The following TTLL6 variants were observed in gnomAD, a reference collection of about 807,000 sequenced individuals.
TTLL6 encodes tubulin tyrosine ligase like 6.
TTLL6 carries 75 observed loss-of-function variants against 96.4 expected under a neutral mutation model. The observed-to-expected ratio is 0.78, with a 90% CI of 0.65 to 0.94. The LOEUF is 0.94. TTLL6 is among the 40% of genes least tolerant of loss of function. The probability of loss-of-function intolerance (pLI) is 0.00; values close to 1 mark genes in which losing one functional copy is unlikely to be tolerated. For missense variants in TTLL6, 1,030 were observed against 1,093.0 expected (o/e 0.94, Z 0.81); for synonymous variants, 411 against 419.4 (o/e 0.98, Z 0.24).
At chr17:48,769,706 C>T in intron 14 of TTLL6, 22 bp downstream of exon 14, 1 of 1,610,934 alleles carries the variant, frequency 6.2e-7, no homozygotes, top group Non-Finnish European at 8.5e-7. Context: ...CCTGGCACAT[C>T]CCTGTACACA....
In TTLL6 at chr17:48,817,047, G is replaced by C. The variant is rs879137413; in HGVS notation, c.26C>G (p.Ser9Trp). Residue 9 changes from serine (S) to tryptophan (W), a missense_variant, in exon 1 of 16, where the codon TCG (serine) becomes TGG (tryptophan). Coordinates refer to ENST00000393382, the MANE Select transcript of TTLL6 (RefSeq NM_001130918.3). ...AACCACACCTGCCGGCCCCCTCCTCGAAGGATGAAGGAGTAACGCTCCCAT... is the reference window on the plus strand; with the variant it reads ...AACCACACCTGCCGGCCCCCTCCTCCAAGGATGAAGGAGTAACGCTCCCAT... MGALLLHP[S>W]RRGPAGVVAS... is the part of the protein sequence containing the mutation. The C allele has an allele frequency of 1.9e-6, 3 of 1,544,410 alleles. No individual in the cohort carries two copies. The highest frequency in any genetic ancestry group is 2.6e-6 in the Non-Finnish European group (3 of 1,145,802).
chr17:48,789,995 T>G lies in TTLL6; in HGVS notation c.1336A>C (p.Lys446Gln), dbSNP rs1255626929. ...LINLESCDKKKVLEEERQRGQ... is the reference protein window; with the variant it reads ...LINLESCDKKQVLEEERQRGQ... ...CGTTGTCTCTCCTCCTCCAAGACTT[T>G]CTTCTTGTCACAGCTTTCCAGGTTG... The change falls in exon 10 of 16, where the codon AAA becomes CAA. Residue 446 changes from lysine to glutamine, a missense_variant. Transcript: ENST00000393382. 1.2e-6 allele frequency: 2 copies of G among 1,614,172 alleles called. No individual in the cohort carries two copies. Among genetic ancestry groups the G allele is most frequent in the Admixed American group, 1.7e-5 (1 of 60,024 alleles).
chr17:48,806,116 A>G (rs1200366946), intron 1 of TTLL6: 1 of 152,226 alleles, frequency 6.6e-6, no homozygotes, highest in African/African-American at 2.4e-5. Flanking sequence ...TCTCAAAAAA[A>G]AAAAAAAATT....
At chr17:48,810,846 T>TACAC (rs2039578328) in intron 1 of TTLL6, among the ~76,000 whole-genome samples, 4 of 118,222 alleles carry the variant, frequency 3.4e-5, no homozygotes, top group Non-Finnish European at 5.4e-5. Flanking sequence ...TATATATATA[T>TACAC]ATATATATAG....
intron 15 of TTLL6, among the ~76,000 whole-genome samples, chr17:48,767,371 C>T (rs894061003): frequency 3.9e-5 from 6 of 152,292 alleles, no homozygotes; most frequent in South Asian, 2.1e-4. Context: ...AGGCCCAGCT[C>T]TTCTCTGAGC....
At chr17:48,797,787 C>CAA (rs58265844) in intron 6 of TTLL6, among the ~76,000 whole-genome samples, 18 of 58,616 alleles carry the variant, frequency 3.1e-4, no homozygotes, top group South Asian at 6.8e-4. Flanking sequence ...AACTCCATCT[C>CAA]AAAAAAAAAA....
chr17:48,812,332 G>A (rs2039608746), intron 1 of TTLL6: 1 of 152,190 alleles, frequency 6.6e-6, no homozygotes, highest in African/African-American at 2.4e-5. Context: ...ATACATCATG[G>A]TGTAAGGGCC....
In TTLL6 at chr17:48,799,584, T is replaced by C. The variant is rs1398240894; in HGVS notation, c.768+20A>G. 1.3e-6 allele frequency: 2 copies of C among 1,548,304 alleles called. No individual in the cohort carries two copies. On this transcript the variant is annotated intron_variant, in intron 6 of 15. Transcript: ENST00000393382. ...GCGGTTGCTGTGGGTGATAAATAAA[T>C]AATCACAATGAGGAAGTACCTTTGA...
chr17:48,791,294 G>A (rs543992050), intron 9 of TTLL6, 84 bp downstream of exon 9: 43 of 1,225,040 alleles, frequency 3.5e-5, no homozygotes, highest in Non-Finnish European at 4.9e-5. Context: ...AAACAATTTA[G>A]GTGAGCCAGG....
At chr17:48,784,050 G>A (rs2039039441) in intron 13 of TTLL6, among the ~76,000 whole-genome samples, 1 of 152,096 alleles carries the variant, frequency 6.6e-6, no homozygotes, top group Non-Finnish European at 1.5e-5. Flanking sequence ...TTAGTCAAAG[G>A]TATGATTATG....
chr17:48,812,070 C>T (rs186866624), intron 1 of TTLL6: 2 of 94,834 alleles, frequency 2.1e-5, no homozygotes, highest in Non-Finnish European at 4.4e-5. Context: ...TGGGACCCCC[C>T]CCCCCACCCC....
At chr17:48,811,015 T>G (rs1355859706) in intron 1 of TTLL6, among the ~76,000 whole-genome samples, 1 of 149,752 alleles carries the variant, frequency 6.7e-6, no homozygotes, top group African/African-American at 2.4e-5. Flanking sequence ...ACACTCCTTT[T>G]TGTTTCCCTG....
intron 1 of TTLL6, among the ~76,000 whole-genome samples, chr17:48,814,868 C>T (rs2039646005): frequency 6.6e-6 from 1 of 152,190 alleles, no homozygotes; most frequent in South Asian, 2.1e-4. Flanking sequence ...CAACCTCTGC[C>T]TCCTGGATTC....
rs751269564 is a variant in TTLL6 at position 48,778,336 on chromosome 17, A to AAAGG, written c.2040+6583_2040+6586dup. On this transcript the variant is annotated intron_variant, in intron 13 of 15. Transcript: ENST00000393382. ...AAGAAAGAGAGAGGGAGGGAGGGAGAAAGGAAGGAAGGAAGGAAGAGCTAT... is the reference window on the plus strand; with the variant it reads ...AAGAAAGAGAGAGGGAGGGAGGGAGAAAGGAAGGAAGGAAGGAAGGAAGAGCTAT... 1.1e-4 allele frequency among the ~76,000 whole-genome samples: 8 copies of AAAGG among 73,886 alleles called. No homozygotes were observed. In the South Asian group the frequency reaches 1.9e-3, roughly 17 times the overall value. 48.5% of individuals were successfully genotyped at this position (73,886 alleles called of 152,430 possible).
In TTLL6 at chr17:48,786,344, G is replaced by A; in HGVS notation, c.1590-9C>T. ...GCTCCTGGATCAGTTGCCTGCCCAT[G>A]AAGAACAAGTGAACATCATGGGGGT... On this transcript the variant is annotated splice_polypyrimidine_tract_variant and intron_variant, in intron 11 of 15. Transcript: ENST00000393382. 6.2e-7 allele frequency: 1 copy of A among 1,614,210 alleles called. No individual in the cohort carries two copies. Among genetic ancestry groups the A allele is most frequent in the African/African-American group, 1.3e-5 (1 of 75,070 alleles).
intron 15 of TTLL6, chr17:48,765,412 A>C (rs922334836): frequency 6.6e-6 from 1 of 152,190 alleles, no homozygotes; most frequent in African/African-American, 2.4e-5. Flanking sequence ...ACTGTCTCCA[A>C]AGAAAATAAA....
At chr17:48,796,016 T>G in intron 8 of TTLL6, 45 bp downstream of exon 8, 1 of 1,481,618 alleles carries the variant, frequency 6.7e-7, no homozygotes, top group Non-Finnish European at 9.2e-7. Flanking sequence ...AAAGCAGTTC[T>G]GAGGTTGGTA....
At chr17:48,797,982 C>T (rs2039348883) in intron 6 of TTLL6, among the ~76,000 whole-genome samples, 1 of 151,916 alleles carries the variant, frequency 6.6e-6, no homozygotes, top group South Asian at 2.1e-4. Context: ...GTGGTGTATG[C>T]CTGAAGTCTT....
rs188486322 is a variant in TTLL6, at chr17:48,813,484, G to A, written c.103+3486C>T. ...TGAGGTGGGAGGATCACTTTAGCCC[G>A]GGAGGCTGAGGTTGCAGCGAGTAGA... On this transcript the variant is annotated intron_variant, in intron 1 of 15. Coordinates refer to ENST00000393382, the MANE Select transcript of TTLL6 (RefSeq NM_001130918.3). Among the ~76,000 whole-genome samples the A allele has an allele frequency of 1.1e-3, 171 of 152,234 alleles. 2 individuals carry two copies. The highest frequency in any genetic ancestry group is 3.7e-3 in the African/African-American group (153 of 41,546).
Sources: allele counts gnomAD v4.1 joint callset (sites outside exome capture counted in the v4.1 genomes callset), GRCh38; gene constraint gnomAD v4.1.1; transcripts MANE v1.5; gene names NCBI Gene and HGNC (gene_info 2026-07-23, HGNC 2026-07-21).